IL21R: variants seen among roughly 807,000 people sequenced by gnomAD.
IL21R encodes interleukin 21 receptor, also known as interleukin-21 receptor.
A neutral mutation model predicts 41.3 loss-of-function variants in IL21R; 14 were observed. The ratio of observed to expected loss-of-function variants is 0.34; its 90% confidence interval spans 0.22 to 0.53. The LOEUF is 0.53. Among genes scored for constraint, IL21R ranks in the 20% least tolerant of loss-of-function variants. IL21R has a pLI of 0.94. For missense variants in IL21R, 588 were observed against 681.6 expected (o/e 0.86, Z 1.53); for synonymous variants, 286 against 287.6 (o/e 0.99, Z 0.05).
chr16:27,440,244 T>TAG (rs1443830356), intron 4 of IL21R, among the ~76,000 whole-genome samples: 3,041 of 82,212 alleles, frequency 0.037, 35 homozygotes, highest in Admixed American at 0.042. Flanking sequence ...TATATATATA[T>TAG]ATATAGAGAG....
At chr16:27,439,690 A>T (rs1241265489) in intron 4 of IL21R, among the ~76,000 whole-genome samples, 2 of 151,978 alleles carry the variant, frequency 1.3e-5, no homozygotes, top group Non-Finnish European at 2.9e-5. Context: ...TCACAAGGGG[A>T]CCCTCCTTGC....
At chr16:27,412,821 C>A (rs1241133500) in intron 1 of IL21R, among the ~76,000 whole-genome samples, 1 of 152,124 alleles carries the variant, frequency 6.6e-6, no homozygotes, top group African/African-American at 2.4e-5. Context: ...TGAGTGTTGA[C>A]TTTGTATCCT....
intron 1 of IL21R, among the ~76,000 whole-genome samples, chr16:27,406,080 G>A (rs946212802): frequency 4.6e-5 from 7 of 152,278 alleles, no homozygotes; most frequent in Admixed American, 3.3e-4. Context: ...CTGCCAAGCG[G>A]GCTTGACTAG....
chr16:27,440,244 T>TAGAGAGAG (rs1443830356), intron 4 of IL21R, among the ~76,000 whole-genome samples: 111 of 82,564 alleles, frequency 1.3e-3, no homozygotes, highest in African/African-American at 3.9e-3. Flanking sequence ...TATATATATA[T>TAGAGAGAG]ATATAGAGAG....
intron 1 of IL21R, among the ~76,000 whole-genome samples, chr16:27,425,627 A>G (rs1329248536): frequency 2.0e-5 from 3 of 151,074 alleles, no homozygotes; most frequent in Non-Finnish European, 4.4e-5. Context: ...ATCTCTGCTC[A>G]CTGCAACCTC....
intron 5 of IL21R, among the ~76,000 whole-genome samples, chr16:27,443,403 TAGA>T (rs2087425143): frequency 6.6e-6 from 1 of 152,110 alleles, no homozygotes; most frequent in East Asian, 1.9e-4. Context: ...ATAGTCACAA[TAGA>T]AGAAGTTTCA....
At chr16:27,420,197 T>C (rs2086977528) in intron 1 of IL21R, among the ~76,000 whole-genome samples, 1 of 152,168 alleles carries the variant, frequency 6.6e-6, no homozygotes, top group Admixed American at 6.5e-5. Context: ...GCCCTGCATA[T>C]GCTATACTTT....
chr16:27,404,112 T>C (rs2086702783), intron 1 of IL21R, among the ~76,000 whole-genome samples: 1 of 152,146 alleles, frequency 6.6e-6, no homozygotes, highest in Non-Finnish European at 1.5e-5. Context: ...GGAGTATTCA[T>C]TCCCACGAGG....
Position 27,448,776 on chromosome 16 carries a change from A to T in IL21R, c.1110A>T (p.Pro370=). The stretch of plus-strand genomic sequence containing the variant: ...CTTACAGTGAGGAGAGGGATCGGCC[A>T]TACGGCCTGGTGTCCATTGACACAG... ...GSAYSEERDR[P]YGLVSIDTVT... The change falls in exon 9 of 9, where the codon CCA becomes CCT. Residue 370 remains proline (P), a synonymous_variant. Coordinates refer to ENST00000337929, the MANE Select transcript of IL21R (RefSeq NM_181078.3). 6.2e-7 allele frequency: 1 copy of T among 1,613,626 alleles called. No homozygotes were observed. The highest frequency in any genetic ancestry group is 8.5e-7 in the Non-Finnish European group (1 of 1,180,036).
At chr16:27,440,279 A>AGAGAGC (rs1567370043) in intron 4 of IL21R, among the ~76,000 whole-genome samples, 18 of 131,876 alleles carry the variant, frequency 1.4e-4, no homozygotes, top group African/African-American at 4.1e-4. Context: ...AGAGAGAGAG[A>AGAGAGC]GCGAGCAAGC....
At chr16:27,415,098 A>G (rs1340979717) in intron 1 of IL21R, among the ~76,000 whole-genome samples, 2 of 152,220 alleles carry the variant, frequency 1.3e-5, no homozygotes, top group Non-Finnish European at 2.9e-5. Context: ...ATTTGTTAGG[A>G]AAAAATTCAT....
chr16:27,429,491 G>A (rs80055645), intron 1 of IL21R, among the ~76,000 whole-genome samples: 308 of 152,248 alleles, frequency 2.0e-3, no homozygotes, highest in Admixed American at 3.5e-3. Flanking sequence ...TTCACCTTGT[G>A]CTGGGCGTGG....
intron 1 of IL21R, among the ~76,000 whole-genome samples, chr16:27,415,739 T>C (rs2086886932): frequency 6.6e-6 from 1 of 152,220 alleles, no homozygotes; most frequent in Non-Finnish European, 1.5e-5. Flanking sequence ...TCTTTTTGTC[T>C]CCTAATCTTA....
chr16:27,404,997 C>T (rs935203574), intron 1 of IL21R, among the ~76,000 whole-genome samples: 6 of 151,634 alleles, frequency 4.0e-5, no homozygotes, highest in Admixed American at 2.0e-4. Flanking sequence ...ACAGATGGCT[C>T]ATGAGAAGTG....
At chr16:27,413,972 G>A (rs193141522) in intron 1 of IL21R, among the ~76,000 whole-genome samples, 3 of 151,798 alleles carry the variant, frequency 2.0e-5, no homozygotes, top group Non-Finnish European at 2.9e-5. Flanking sequence ...GTTGAGTATC[G>A]TGGACTTTTC....
chr16:27,445,342 T>A, intron 7 of IL21R, 66 bp downstream of exon 7: 1 of 1,003,222 alleles, frequency 1.0e-6, no homozygotes. Context: ...GTATGATACA[T>A]GCAGGGTTGG....
At chr16:27,407,933 C>T (rs1457484256) in intron 1 of IL21R, among the ~76,000 whole-genome samples, 1 of 152,212 alleles carries the variant, frequency 6.6e-6, no homozygotes, top group African/African-American at 2.4e-5. Context: ...TAAGATTTAA[C>T]TTTGGAGTGT....
At chr16:27,415,004 A>G (rs1472281485) in intron 1 of IL21R, among the ~76,000 whole-genome samples, 1 of 152,178 alleles carries the variant, frequency 6.6e-6, no homozygotes, top group Non-Finnish European at 1.5e-5. Flanking sequence ...AGGAACAAAC[A>G]TCAAATTTAT....
chr16:27,448,793 T>C lies in IL21R; in HGVS notation c.1127T>C (p.Ile376Thr). 6.2e-7 allele frequency: 1 copy of C among 1,613,590 alleles called. No homozygotes were observed. The highest frequency in any genetic ancestry group is 8.5e-7 in the Non-Finnish European group (1 of 1,180,024). The change falls in exon 9 of 9, where the codon ATT becomes ACT. Residue 376 changes from isoleucine to threonine, a missense_variant. Ile to Thr is a moderately conservative substitution (Grantham distance 89). Coordinates refer to ENST00000337929, the MANE Select transcript of IL21R (RefSeq NM_181078.3). The stretch of plus-strand genomic sequence containing the variant: ...GATCGGCCATACGGCCTGGTGTCCA[T>C]TGACACAGTGACTGTGCTAGATGCA... ...ERDRPYGLVSIDTVTVLDAEG... is the reference protein window; with the variant it reads ...ERDRPYGLVSTDTVTVLDAEG...
Sources: allele counts gnomAD v4.1 joint callset (sites outside exome capture counted in the v4.1 genomes callset), GRCh38; gene constraint gnomAD v4.1.1; transcripts MANE v1.5; gene names NCBI Gene and HGNC (gene_info 2026-07-23, HGNC 2026-07-21).